Variants in NALF1 observed in about 807,000 individuals in gnomAD.
The protein encoded by NALF1 is family with sequence similarity 155 member A.
Under a neutral mutation model 48.4 loss-of-function variants are expected in NALF1, and 3 were observed. The ratio of observed to expected loss-of-function variants is 0.06; its 90% confidence interval spans 0.03 to 0.16. The LOEUF (loss-of-function observed/expected upper bound fraction) is 0.16, where lower values mean the gene tolerates loss of function less well. Among genes scored for constraint, NALF1 ranks in the 10% least tolerant of loss-of-function variants. The pLI is 1.00. For missense variants in NALF1, 526 were observed against 571.5 expected (o/e 0.92, Z 0.81); for synonymous variants, 262 against 245.7 (o/e 1.07, Z -0.62).
intron 1 of NALF1, among the ~76,000 whole-genome samples, chr13:107,267,673 TA>T (rs1284214095): frequency 6.6e-6 from 1 of 152,204 alleles, no homozygotes; most frequent in African/African-American, 2.4e-5. Context: ...CGAAGAAGTT[TA>T]AAAGATTAAC....
At chr13:107,323,494 A>C (rs1882294442) in intron 1 of NALF1, among the ~76,000 whole-genome samples, 1 of 152,086 alleles carries the variant, frequency 6.6e-6, no homozygotes, top group South Asian at 2.1e-4. Flanking sequence ...TGCCACCTCA[A>C]ATTTTTTTTC....
intron 2 of NALF1, among the ~76,000 whole-genome samples, chr13:107,196,790 T>C (rs547393437): frequency 6.6e-6 from 1 of 152,072 alleles, no homozygotes; most frequent in Non-Finnish European, 1.5e-5. Flanking sequence ...AATAATAGCG[T>C]ATTGTATTCA....
At chr13:107,203,905 C>T (rs1879576131) in intron 2 of NALF1, among the ~76,000 whole-genome samples, 1 of 152,088 alleles carries the variant, frequency 6.6e-6, no homozygotes, top group African/African-American at 2.4e-5. Context: ...TCATGCAGGG[C>T]CTGCCCAGTT....
intron 1 of NALF1, among the ~76,000 whole-genome samples, chr13:107,830,504 T>C (rs1453883280): frequency 6.6e-6 from 1 of 152,216 alleles, no homozygotes; most frequent in African/African-American, 2.4e-5. Flanking sequence ...TAACTCACTG[T>C]GGTTTGGATT....
At chr13:107,341,603 T>G (rs1882682372) in intron 1 of NALF1, among the ~76,000 whole-genome samples, 1 of 151,704 alleles carries the variant, frequency 6.6e-6, no homozygotes, top group Non-Finnish European at 1.5e-5. Flanking sequence ...ATATAATACA[T>G]ATACATATAT....
At chr13:107,420,771 T>C (rs1884172035) in intron 1 of NALF1, among the ~76,000 whole-genome samples, 2 of 152,338 alleles carry the variant, frequency 1.3e-5, no homozygotes, top group South Asian at 4.1e-4. Context: ...GATTATGTAA[T>C]GGTCAAGTCA....
intron 1 of NALF1, among the ~76,000 whole-genome samples, chr13:107,315,876 AT>A (rs1001954304): frequency 1.3e-5 from 2 of 148,410 alleles, no homozygotes; most frequent in South Asian, 2.1e-4. Context: ...AAAATATCTT[AT>A]TTTTTATAGA....
At chr13:107,437,384 TTAAG>T (rs1184490062) in intron 1 of NALF1, among the ~76,000 whole-genome samples, 5 of 152,184 alleles carry the variant, frequency 3.3e-5, no homozygotes, top group Admixed American at 1.3e-4. Context: ...TTTTCCATAC[TTAAG>T]TATTTCCTTT....
intron 1 of NALF1, among the ~76,000 whole-genome samples, chr13:107,435,966 G>T (rs144465874): frequency 1.3e-5 from 2 of 152,100 alleles, no homozygotes; most frequent in African/African-American, 2.4e-5. Context: ...GCCCAACACT[G>T]TTGAGAAACT....
At chr13:107,475,370 G>T (rs1300348547) in intron 1 of NALF1, among the ~76,000 whole-genome samples, 5 of 152,140 alleles carry the variant, frequency 3.3e-5, no homozygotes, top group Admixed American at 2.0e-4. Context: ...GAAGGTTTGC[G>T]TTAGTTTTTA....
intron 1 of NALF1, among the ~76,000 whole-genome samples, chr13:107,240,070 G>A (rs552460616): frequency 1.7e-4 from 26 of 152,334 alleles, no homozygotes; most frequent in African/African-American, 6.3e-4. Flanking sequence ...TCAAAATGAA[G>A]GGTGAATGTA....
At chr13:107,496,433 G>A (rs1330279785) in intron 1 of NALF1, among the ~76,000 whole-genome samples, 1 of 152,150 alleles carries the variant, frequency 6.6e-6, no homozygotes, top group Non-Finnish European at 1.5e-5. Context: ...AGGCTCCAAA[G>A]CTATTGCTGA....
chr13:107,474,572 A>G (rs778288429), intron 1 of NALF1, among the ~76,000 whole-genome samples: 4 of 152,222 alleles, frequency 2.6e-5, no homozygotes, highest in African/African-American at 4.8e-5. Flanking sequence ...AGAGAAAAAT[A>G]CACATACATA....
intron 1 of NALF1, among the ~76,000 whole-genome samples, chr13:107,459,812 C>T (rs756541214): frequency 6.6e-6 from 1 of 152,102 alleles, no homozygotes; most frequent in Non-Finnish European, 1.5e-5. Flanking sequence ...GTGATCTCCA[C>T]TCACTGCAGC....
At chr13:107,600,067 T>C (rs999873334) in intron 1 of NALF1, among the ~76,000 whole-genome samples, 3 of 152,218 alleles carry the variant, frequency 2.0e-5, no homozygotes, top group African/African-American at 7.2e-5. Context: ...TGGTTAATTA[T>C]AACTTAAATA....
chr13:107,766,790 T>C (rs16971074), intron 1 of NALF1, among the ~76,000 whole-genome samples: 3,329 of 152,266 alleles, frequency 0.022, 138 homozygotes, highest in African/African-American at 0.076. Flanking sequence ...TTTAAAGCAG[T>C]TCACAGAAAG....
intron 1 of NALF1, among the ~76,000 whole-genome samples, chr13:107,325,607 G>A (rs1882336334): frequency 6.6e-6 from 1 of 151,934 alleles, no homozygotes; most frequent in African/African-American, 2.4e-5. Flanking sequence ...GGAGGCTGAG[G>A]CGGGTAGATC....
At chr13:107,758,924 T>C (rs1161119700) in intron 1 of NALF1, among the ~76,000 whole-genome samples, 9 of 152,136 alleles carry the variant, frequency 5.9e-5, no homozygotes, top group Non-Finnish European at 1.3e-4. Flanking sequence ...TACCTCCAAA[T>C]GATAAGACTT....
At chr13:107,317,703 T>C (rs1420377228) in intron 1 of NALF1, among the ~76,000 whole-genome samples, 1 of 151,988 alleles carries the variant, frequency 6.6e-6, no homozygotes, top group African/African-American at 2.4e-5. Flanking sequence ...GTTTATAATA[T>C]GTACAAAATA....
Sources: gnomAD v4.1 joint callset for allele counts (sites outside exome capture counted in the v4.1 genomes callset) on GRCh38, gnomAD v4.1.1 for gene constraint, MANE v1.5 for transcripts, NCBI Gene and HGNC (gene_info 2026-07-23, HGNC 2026-07-21) for gene names.